CHODL: variants seen among roughly 807,000 people sequenced by gnomAD.
CHODL encodes transmembrane protein MT75.
Under a neutral mutation model 34.5 loss-of-function variants are expected in CHODL, and 29 were observed. The ratio of observed to expected loss-of-function variants is 0.84; its 90% CI spans 0.63 to 1.15. CHODL has a LOEUF of 1.15. Ranked by LOEUF, CHODL falls within the 50% of genes most tolerant of loss-of-function variation. CHODL has a pLI of 0.00. For missense variants in CHODL, 332 were observed against 332.5 expected, an observed-to-expected ratio of 1.00 and a Z score of 0.01; for synonymous variants, 125 against 116.1, an observed-to-expected ratio of 1.08 and a Z score of -0.49.
chr21:18,209,855 C>G (rs1245788059), intron 2 of CHODL, among the ~76,000 whole-genome samples: 2 of 152,114 alleles, frequency 1.3e-5, no homozygotes, highest in East Asian at 3.9e-4. Context: ...GGACTTAGGA[C>G]TCTGCCTGGT....
intron 2 of CHODL, among the ~76,000 whole-genome samples, chr21:18,075,804 A>G (rs2064857230): frequency 6.6e-6 from 1 of 152,188 alleles, no homozygotes; most frequent in African/African-American, 2.4e-5. Flanking sequence ...GACCTATAAG[A>G]TAATGGCGTT....
intron 1 of CHODL, among the ~76,000 whole-genome samples, chr21:17,981,980 T>G (rs1051513005): frequency 1.3e-5 from 2 of 152,234 alleles, no homozygotes; most frequent in African/African-American, 4.8e-5. Flanking sequence ...ACTATTGGTC[T>G]TTGTAGAGAT....
rs902159113 is a variant in CHODL at position 18,216,161 on chromosome 21, C to T, written c.-44-40348C>T. ...GTTTGTTGGATTGATTGATACATAA[C>T]AATTGTACATATTTATGGGGTACGT... On this transcript the variant is annotated intron_variant, in intron 2 of 6. Coordinates refer to the CHODL transcript ENST00000400127. 5.9e-5 allele frequency among the ~76,000 whole-genome samples: 9 copies of T among 151,746 alleles called. No individual in the cohort carries two copies. The South Asian group carries it at 1.9e-3, about 32-fold the overall frequency.
intron 1 of CHODL, among the ~76,000 whole-genome samples, chr21:18,024,150 C>T (rs2064152399): frequency 6.6e-6 from 1 of 152,064 alleles, no homozygotes. Context: ...AAAAAATGCT[C>T]CCCATTTCTT....
chr21:18,187,085 G>T (rs960900873), intron 2 of CHODL, among the ~76,000 whole-genome samples: 1 of 152,110 alleles, frequency 6.6e-6, no homozygotes, highest in Non-Finnish European at 1.5e-5. Context: ...TGTAAGCAAG[G>T]TAAAAATGCA....
chr21:18,230,584 T>C (rs1293195588), intron 2 of CHODL, among the ~76,000 whole-genome samples: 5 of 152,098 alleles, frequency 3.3e-5, no homozygotes, highest in Non-Finnish European at 2.9e-5. Flanking sequence ...TAATTTTTTA[T>C]GGAATATTAG....
chr21:18,033,101 CTTAATAT>C (rs1326901111), intron 2 of CHODL, among the ~76,000 whole-genome samples: 1 of 151,898 alleles, frequency 6.6e-6, no homozygotes, highest in Non-Finnish European at 1.5e-5. Context: ...GAGGATGATA[CTTAATAT>C]TGGGGGTTAG....
At chr21:18,127,672 G>GTTTTTTTTTTTTTTTTTT (rs71318127) in intron 2 of CHODL, among the ~76,000 whole-genome samples, 3 of 70,006 alleles carry the variant, frequency 4.3e-5, no homozygotes, top group African/African-American at 1.6e-4. Flanking sequence ...CGTTGCCATT[G>GTTTTTTTTTTTTTTTTTT]TTTTTTTTTT....
chr21:18,085,176 T>C (rs1016525451), intron 2 of CHODL, among the ~76,000 whole-genome samples: 1 of 152,116 alleles, frequency 6.6e-6, no homozygotes, highest in African/African-American at 2.4e-5. Flanking sequence ...ATATGTGTCT[T>C]TACAGGTAAG....
At chr21:18,131,868 C>A (rs962641649) in intron 2 of CHODL, among the ~76,000 whole-genome samples, 48 of 151,948 alleles carry the variant, frequency 3.2e-4, no homozygotes, top group Non-Finnish European at 4.4e-5. Context: ...TTCATTCTTC[C>A]ATTATTTTTT....
intron 2 of CHODL, among the ~76,000 whole-genome samples, chr21:18,233,049 C>T (rs2073997916): frequency 6.7e-6 from 1 of 148,982 alleles, no homozygotes; most frequent in South Asian, 2.1e-4. Context: ...ATTAACATAT[C>T]AATAACCTTA....
intron 5 of CHODL, 86 bp from the exon 6 acceptor site, chr21:18,265,868 T>G: frequency 9.6e-7 from 1 of 1,038,772 alleles, no homozygotes; most frequent in Non-Finnish European, 1.4e-6. Flanking sequence ...CATAAATAAC[T>G]GTCTGAGATA....
chr21:18,234,154 A>G (rs2074007541), intron 2 of CHODL, among the ~76,000 whole-genome samples: 2 of 152,246 alleles, frequency 1.3e-5, no homozygotes, highest in Non-Finnish European at 2.9e-5. Context: ...GCGTGAAAAC[A>G]AATATGTTCT....
intron 4 of CHODL, among the ~76,000 whole-genome samples, chr21:18,260,611 G>C (rs1184362874): frequency 6.6e-6 from 1 of 152,008 alleles, no homozygotes; most frequent in East Asian, 1.9e-4. Flanking sequence ...CCAGGAGTTT[G>C]AGACCATCCT....
chr21:17,934,430 A>ACTCT (rs71189569), intron 1 of CHODL, among the ~76,000 whole-genome samples: 47,295 of 146,916 alleles, frequency 0.32, 8,225 homozygotes, highest in South Asian at 0.47. Flanking sequence ...TCTGTCTTTC[A>ACTCT]CTCTCTCTCT....
intron 2 of CHODL, among the ~76,000 whole-genome samples, chr21:18,189,455 T>G (rs1229967935): frequency 6.6e-6 from 1 of 152,150 alleles, no homozygotes; most frequent in Non-Finnish European, 1.5e-5. Context: ...AAGACCATTT[T>G]CATTTAACTT....
intron 2 of CHODL, among the ~76,000 whole-genome samples, chr21:18,059,649 C>T (rs1459472687): frequency 6.6e-6 from 1 of 152,110 alleles, no homozygotes; most frequent in Non-Finnish European, 1.5e-5. Context: ...CTCTCCCTCC[C>T]CAGCACCCCC....
At chr21:17,964,098 GT>G in intron 1 of CHODL, among the ~76,000 whole-genome samples, 1 of 152,222 alleles carries the variant, frequency 6.6e-6, no homozygotes, top group Admixed American at 6.5e-5. Flanking sequence ...GATTATACAA[GT>G]TAACATAACA....
intron 1 of CHODL, among the ~76,000 whole-genome samples, chr21:17,958,725 A>G (rs1468064163): frequency 6.6e-6 from 1 of 152,184 alleles, no homozygotes; most frequent in Non-Finnish European, 1.5e-5. Flanking sequence ...ATTTCTGGAA[A>G]TATCAGGAGA....
Sources: gnomAD v4.1 joint callset for allele counts (sites outside exome capture counted in the v4.1 genomes callset) on GRCh38, gnomAD v4.1.1 for gene constraint, MANE v1.5 for transcripts, NCBI Gene and HGNC (gene_info 2026-07-23, HGNC 2026-07-21) for gene names.